ATXN2: variants seen among roughly 807,000 people sequenced by gnomAD.
ATXN2 encodes ataxin 2.
Under a neutral mutation model 138.6 loss-of-function variants are expected in ATXN2, and 37 were observed. That is an observed-to-expected ratio of 0.27 (90% CI 0.21 to 0.35). The LOEUF (loss-of-function observed/expected upper bound fraction) is 0.35, where lower values mean the gene tolerates loss of function less well. Ranked by LOEUF, ATXN2 falls within the 10% of genes least tolerant of loss-of-function variation. The pLI, the probability that ATXN2 is intolerant of heterozygous loss-of-function variation, is 1.00. For synonymous variants in ATXN2, 549 were observed against 543.7 expected (o/e 1.01, Z -0.13); for missense variants, 1,216 against 1,480.3 (o/e 0.82, Z 2.93).
intron 5 of ATXN2, among the ~76,000 whole-genome samples, chr12:111,536,730 C>A (rs1881198522): frequency 6.7e-6 from 1 of 150,346 alleles, no homozygotes; most frequent in Non-Finnish European, 1.5e-5. Context: ...TATGAGTATG[C>A]ATACACACAC....
chr12:111,507,328 A>G (rs1038373564), intron 14 of ATXN2, among the ~76,000 whole-genome samples: 1 of 149,770 alleles, frequency 6.7e-6, no homozygotes, highest in African/African-American at 2.5e-5. Context: ...CCCGTCTGGG[A>G]GGTGAGGAGC....
At chr12:111,573,499 T>C (rs979526585) in intron 1 of ATXN2, among the ~76,000 whole-genome samples, 5 of 152,304 alleles carry the variant, frequency 3.3e-5, no homozygotes, top group Non-Finnish European at 7.3e-5. Context: ...CCCAGCCTTC[T>C]TCACTGATTT....
intron 14 of ATXN2, among the ~76,000 whole-genome samples, chr12:111,504,237 T>C (rs866668880): frequency 6.6e-6 from 1 of 152,236 alleles, no homozygotes; most frequent in Non-Finnish European, 1.5e-5. Context: ...TAATAAACTT[T>C]CACATTTGTA....
chr12:111,500,633 G>A (rs148987383), intron 14 of ATXN2, among the ~76,000 whole-genome samples: 69 of 152,326 alleles, frequency 4.5e-4, no homozygotes, highest in South Asian at 3.5e-3. Context: ...CCAGCACTTT[G>A]GGAGGCTGTG....
At chr12:111,495,319 A>C (rs1030944297) in intron 14 of ATXN2, among the ~76,000 whole-genome samples, 1 of 151,834 alleles carries the variant, frequency 6.6e-6, no homozygotes, top group African/African-American at 2.4e-5. Flanking sequence ...AAAAAAAAAA[A>C]AAAAAAAACC....
chr12:111,510,139 C>G (rs1879417364), intron 12 of ATXN2, 141 bp from the exon 13 acceptor site: 2 of 736,324 alleles, frequency 2.7e-6, no homozygotes, highest in Admixed American at 3.1e-5. Context: ...TTGCAGATGT[C>G]ATATGAAACA....
rs946363714 is a variant in ATXN2, at chr12:111,554,197, A to G, written c.309T>C (p.Tyr103=). The change falls in exon 3 of 25, where the codon TAT becomes TAC. Residue 103 remains tyrosine (Y), a synonymous_variant. Coordinates refer to ENST00000673436, the MANE Select transcript of ATXN2 (RefSeq NM_001372574.1). ...PQSTISFDGI[Y]ANMRMVHILT... ...GTATATGAACCATCCTCATATTTGC[A>G]TAGATTCCATCAAAAGAAATCTGGA... 4.8e-6 allele frequency: 7 copies of G among 1,465,630 alleles called. No individual in the cohort carries two copies. The African/African-American group carries it at 1.0e-4, about 21-fold the overall frequency. 90.8% of individuals were successfully genotyped at this position (1,465,630 alleles called of 1,614,324 possible).
upstream of ATXN2, chr12:111,599,600 G>A (rs1428305235): frequency 1.5e-5 from 16 of 1,091,648 alleles, no homozygotes; most frequent in East Asian, 1.1e-4. Flanking sequence ...TCAGACGGAA[G>A]CAGAACGTGA....
Position 111,456,374 on chromosome 12 carries a change from C to T in ATXN2, c.3043-118G>A, listed in dbSNP as rs79289346. 2.8e-3 allele frequency: 3,026 copies of T among 1,064,928 alleles called. 64 individuals carry two copies. In the African/African-American group the frequency reaches 0.044, roughly 15 times the overall value. The allele number at this position is 1,064,928 out of a possible 1,614,324, so 66.0% of individuals were successfully genotyped here. On this transcript the variant is annotated intron_variant, in intron 22 of 24. Coordinates refer to ENST00000673436, the MANE Select transcript of ATXN2 (RefSeq NM_001372574.1). ...CTATGATGAGGGTCACTGGAAAGTA[C>T]AGGAGAATGTACAGGGTGGTAAGAG... is the stretch of plus-strand genomic sequence containing the variant.
chr12:111,475,711 T>C (rs1336802530), intron 18 of ATXN2, among the ~76,000 whole-genome samples: 2 of 151,548 alleles, frequency 1.3e-5, no homozygotes, highest in Admixed American at 6.6e-5. Context: ...TTTTTAGTAG[T>C]AAGTTAATTA....
intron 1 of ATXN2, among the ~76,000 whole-genome samples, chr12:111,594,629 G>T (rs906087542): frequency 5.3e-5 from 8 of 152,222 alleles, no homozygotes; most frequent in Non-Finnish European, 1.2e-4. Flanking sequence ...TATTATTTAG[G>T]TTTAGGAATA....
At chr12:111,480,782 C>T (rs1410734336) in intron 18 of ATXN2, among the ~76,000 whole-genome samples, 1 of 152,136 alleles carries the variant, frequency 6.6e-6, no homozygotes. Context: ...TCATCTCATA[C>T]ACAAAAATTA....
intron 1 of ATXN2, among the ~76,000 whole-genome samples, chr12:111,556,469 C>T (rs888308958): frequency 1.4e-4 from 22 of 152,166 alleles, no homozygotes; most frequent in African/African-American, 4.6e-4. Context: ...TTAACCAACA[C>T]AGATGACTGA....
Position 111,548,182 on chromosome 12 carries a change from ACT to A in ATXN2, c.571+4096_571+4097del, listed in dbSNP as rs551712900. ...TACCCAGCCTGGGCGACAGAGCAAGACTCTGTCTCAAAACAAACAAACAAACA... is the reference window on the plus strand; with the variant it reads ...TACCCAGCCTGGGCGACAGAGCAAGACTGTCTCAAAACAAACAAACAAACA... On this transcript the variant is annotated intron_variant, in intron 5 of 24. Transcript: ENST00000673436. 1.4e-4 allele frequency among the ~76,000 whole-genome samples: 22 copies of A among 152,250 alleles called. No individual in the cohort carries two copies. In the South Asian group the frequency reaches 3.3e-3, roughly 23 times the overall value.
intron 1 of ATXN2, among the ~76,000 whole-genome samples, chr12:111,568,696 C>T (rs1566069736): frequency 6.6e-6 from 1 of 152,172 alleles, no homozygotes; most frequent in African/African-American, 2.4e-5. Flanking sequence ...ACCCCCTCTA[C>T]AGCAGCTCCC....
chr12:111,508,689 T>C (rs1156256072), intron 14 of ATXN2, among the ~76,000 whole-genome samples: 1 of 152,034 alleles, frequency 6.6e-6, no homozygotes, highest in African/African-American at 2.4e-5. Flanking sequence ...TTAGGTGATC[T>C]GCCCACCTCG....
intron 5 of ATXN2, among the ~76,000 whole-genome samples, 187 bp from the exon 6 acceptor site, chr12:111,525,503 C>T (rs1880434549): frequency 6.6e-6 from 1 of 151,978 alleles, no homozygotes; most frequent in African/African-American, 2.4e-5. Context: ...AACAAAAGAC[C>T]AATGCACTAT....
At position 111,505,770 on chromosome 12, in the gene ATXN2, G is replaced by A. The variant is rs547903745; in HGVS notation, c.1935+3779C>T. Reference sequence around the variant, plus strand: ...AATGTAAAATAGTGTAGATATCTTGGCAAATAGCTTGGTAGTTCCTCAAAA... The same window carrying A: ...AATGTAAAATAGTGTAGATATCTTGACAAATAGCTTGGTAGTTCCTCAAAA... On this transcript the variant is annotated intron_variant, in intron 14 of 24. Coordinates refer to ENST00000673436, the MANE Select transcript of ATXN2 (RefSeq NM_001372574.1). Among the ~76,000 whole-genome samples, 67 of 152,092 alleles carry A rather than the reference G, an allele frequency of 4.4e-4. 1 individual carries two copies. The South Asian group carries it at 7.3e-3, about 17-fold the overall frequency.
chr12:111,470,832 G>T (rs1350646937), intron 18 of ATXN2, 90 bp from the exon 19 acceptor site: 1 of 1,398,520 alleles, frequency 7.2e-7, no homozygotes, highest in Non-Finnish European at 9.9e-7. Flanking sequence ...TGAATGATTT[G>T]ACCCTGAATC....
Sources: allele counts gnomAD v4.1 joint callset (sites outside exome capture counted in the v4.1 genomes callset), GRCh38; gene constraint gnomAD v4.1.1; transcripts MANE v1.5; gene names NCBI Gene and HGNC (gene_info 2026-07-23, HGNC 2026-07-21).